The following FCHSD2 variants were observed in gnomAD, a reference collection of about 807,000 sequenced individuals.
The protein encoded by FCHSD2 is FCH and double SH3 domains 2, also known as F-BAR and double SH3 domains protein 2.
FCHSD2 carries 38 observed loss-of-function variants against 108.1 expected under a neutral mutation model. The ratio of observed to expected loss-of-function variants is 0.35; its 90% CI spans 0.27 to 0.46. The LOEUF is 0.46. Ranked by LOEUF, FCHSD2 falls within the 20% of genes least tolerant of loss-of-function variation. The pLI is 1.00. For synonymous variants in FCHSD2, 279 were observed against 314.7 expected (o/e 0.89, Z 1.20); for missense variants, 751 against 897.8 (o/e 0.84, Z 2.09).
At chr11:72,960,009 T>C (rs1052892934) in intron 8 of FCHSD2, among the ~76,000 whole-genome samples, 1 of 152,076 alleles carries the variant, frequency 6.6e-6, no homozygotes, top group Non-Finnish European at 1.5e-5. Flanking sequence ...CATATTAATA[T>C]AGGGTATTAA....
intron 10 of FCHSD2, among the ~76,000 whole-genome samples, chr11:72,896,437 A>C (rs1451205376): frequency 6.6e-6 from 1 of 152,162 alleles, no homozygotes; most frequent in Non-Finnish European, 1.5e-5. Flanking sequence ...AAATGCCCCT[A>C]ATGGCACTCA....
chr11:73,107,815 G>C (rs1487302853), intron 2 of FCHSD2, among the ~76,000 whole-genome samples: 2 of 152,184 alleles, frequency 1.3e-5, no homozygotes, highest in African/African-American at 2.4e-5. Context: ...TCCACTGTGT[G>C]TATGTACCAT....
intron 3 of FCHSD2, among the ~76,000 whole-genome samples, chr11:73,042,080 T>A (rs893082309): frequency 5.9e-5 from 9 of 152,046 alleles, no homozygotes; most frequent in Admixed American, 2.6e-4. Flanking sequence ...GTGCCCACCA[T>A]CACACCCAGC....
At chr11:73,129,455 T>G (rs771521736) in intron 2 of FCHSD2, among the ~76,000 whole-genome samples, 8 of 152,158 alleles carry the variant, frequency 5.3e-5, no homozygotes, top group Non-Finnish European at 1.0e-4. Context: ...AGCAGCAGCA[T>G]TAGATTCTCA....
At chr11:72,934,630 G>A (rs1282658837) in intron 8 of FCHSD2, among the ~76,000 whole-genome samples, 1 of 152,072 alleles carries the variant, frequency 6.6e-6, no homozygotes, top group Non-Finnish European at 1.5e-5. Context: ...TGCTGTGCTT[G>A]GCCATAAATT....
intron 8 of FCHSD2, among the ~76,000 whole-genome samples, chr11:72,954,079 G>A (rs369887017): frequency 6.6e-6 from 1 of 151,764 alleles, no homozygotes. Context: ...ATTACGCAGA[G>A]AATAGACATA....
chr11:72,885,497 TA>T (rs1855178379), intron 12 of FCHSD2, among the ~76,000 whole-genome samples: 1 of 152,140 alleles, frequency 6.6e-6, no homozygotes, highest in Admixed American at 6.6e-5. Flanking sequence ...TCATCTGGCC[TA>T]AATGAAGACT....
At chr11:73,044,487 A>C (rs1858710899) in intron 3 of FCHSD2, among the ~76,000 whole-genome samples, 1 of 152,090 alleles carries the variant, frequency 6.6e-6, no homozygotes, top group Non-Finnish European at 1.5e-5. Flanking sequence ...GGCTGAAGTG[A>C]GATCACTTGT....
chr11:72,991,718 T>C (rs1022577660), intron 5 of FCHSD2, among the ~76,000 whole-genome samples: 3 of 152,306 alleles, frequency 2.0e-5, no homozygotes, highest in Admixed American at 2.0e-4. Flanking sequence ...CAACGCTTCA[T>C]TCTAAAAACT....
chr11:73,037,115 T>G (rs1167527848), intron 3 of FCHSD2, among the ~76,000 whole-genome samples: 2 of 152,184 alleles, frequency 1.3e-5, no homozygotes, highest in Non-Finnish European at 2.9e-5. Context: ...TTTTTAAAAA[T>G]TACAGACTTC....
intron 12 of FCHSD2, among the ~76,000 whole-genome samples, chr11:72,870,751 T>C (rs1191398368): frequency 6.6e-6 from 1 of 151,680 alleles, no homozygotes; most frequent in Non-Finnish European, 1.5e-5. Context: ...ATACAAAAAA[T>C]TAGCTGGGCG....
chr11:73,075,239 A>G (rs1859521934), intron 3 of FCHSD2, among the ~76,000 whole-genome samples: 1 of 152,192 alleles, frequency 6.6e-6, no homozygotes, highest in South Asian at 2.1e-4. Flanking sequence ...TGAGAAAACC[A>G]TTTCATGATA....
At chr11:72,989,908 CAGG>C (rs1857378350) in intron 5 of FCHSD2, among the ~76,000 whole-genome samples, 1 of 151,992 alleles carries the variant, frequency 6.6e-6, no homozygotes, top group Non-Finnish European at 1.5e-5. Flanking sequence ...CTCAGCAAAG[CAGG>C]AGGAGACACT....
intron 9 of FCHSD2, among the ~76,000 whole-genome samples, chr11:72,913,480 G>A (rs1216809215): frequency 1.3e-5 from 2 of 152,106 alleles, no homozygotes; most frequent in African/African-American, 4.8e-5. Flanking sequence ...TGTTGGCCAG[G>A]CTGATCGCGA....
intron 3 of FCHSD2, among the ~76,000 whole-genome samples, chr11:73,073,580 C>A (rs566325813): frequency 6.6e-6 from 1 of 152,168 alleles, no homozygotes; most frequent in Admixed American, 6.5e-5. Context: ...CAATATTTTT[C>A]TTTTAGGATG....
intron 9 of FCHSD2, among the ~76,000 whole-genome samples, chr11:72,913,600 T>G (rs1039967230): frequency 1.3e-5 from 2 of 152,184 alleles, no homozygotes; most frequent in Non-Finnish European, 2.9e-5. Flanking sequence ...GTTTTCCAAT[T>G]TATTGGCATA....
At chr11:72,869,317 T>C (rs1045704059) in intron 12 of FCHSD2, among the ~76,000 whole-genome samples, 1 of 151,978 alleles carries the variant, frequency 6.6e-6, no homozygotes, top group Non-Finnish European at 1.5e-5. Flanking sequence ...ATTACAACAA[T>C]CTTGATATTC....
At chr11:72,897,549 C>T (rs1437341754) in intron 10 of FCHSD2, among the ~76,000 whole-genome samples, 2 of 152,060 alleles carry the variant, frequency 1.3e-5, no homozygotes, top group Admixed American at 1.3e-4. Context: ...AATTTTGGTA[C>T]ACAAAGAGGT....
intron 8 of FCHSD2, among the ~76,000 whole-genome samples, chr11:72,951,280 T>C (rs752268560): frequency 4.6e-5 from 7 of 152,164 alleles, no homozygotes; most frequent in Non-Finnish European, 4.4e-5. Context: ...AAAACTAATA[T>C]AGGTGGCATC....
Sources: allele counts gnomAD v4.1 joint callset (sites outside exome capture counted in the v4.1 genomes callset), GRCh38; gene constraint gnomAD v4.1.1; transcripts MANE v1.5; gene names NCBI Gene and HGNC (gene_info 2026-07-23, HGNC 2026-07-21).